The following TMEFF2 variants were observed in gnomAD, a reference collection of about 807,000 sequenced individuals.
The protein encoded by TMEFF2 is tomoregulin-2.
In TMEFF2, 28 loss-of-function variants were observed where a neutral mutation model predicts 53.8. The observed-to-expected ratio is 0.52, with a 90% CI of 0.39 to 0.71. TMEFF2 has a LOEUF of 0.71. Ranked by LOEUF, TMEFF2 falls within the 30% of genes least tolerant of loss-of-function variation. TMEFF2 has a pLI of 0.00. For missense variants in TMEFF2, 353 were observed against 455.2 expected, an observed-to-expected ratio of 0.78 and a Z score of 2.04; for synonymous variants, 162 against 166.3, an observed-to-expected ratio of 0.97 and a Z score of 0.20.
At position 192,015,837 on chromosome 2, in the gene TMEFF2, C is replaced by T. The variant is rs549603130; in HGVS notation, c.537-16629G>A. Among the ~76,000 whole-genome samples the T allele has an allele frequency of 4.6e-5, 7 of 152,186 alleles. No individual in the cohort carries two copies. In the South Asian group the frequency reaches 6.2e-4, roughly 14 times the overall value. On this transcript the variant is annotated intron_variant, in intron 5 of 9. Coordinates refer to ENST00000272771, the MANE Select transcript of TMEFF2 (RefSeq NM_016192.4). Reference sequence around the variant, plus strand: ...TTTCTTTGAAGCATAATGCCAGTGTCACAAATGTTGGTGTTGTCTCACTGT... The same window carrying T: ...TTTCTTTGAAGCATAATGCCAGTGTTACAAATGTTGGTGTTGTCTCACTGT...
intron 3 of TMEFF2, 144 bp downstream of exon 3, chr2:192,184,210 T>A (rs546911420): frequency 9.3e-7 from 1 of 1,076,760 alleles, no homozygotes; most frequent in South Asian, 1.7e-5. Flanking sequence ...AGAATAAGAA[T>A]AACAAATGTT....
intron 4 of TMEFF2, among the ~76,000 whole-genome samples, chr2:192,092,240 G>A (rs1193833484): frequency 2.6e-5 from 4 of 152,056 alleles, no homozygotes; most frequent in African/African-American, 9.7e-5. Flanking sequence ...GTTTTATATT[G>A]CTACTCAGAA....
At chr2:191,953,636 ATATATCCCTTTATTT>A in intron 9 of TMEFF2, 28 bp downstream of exon 9, 2 of 1,600,344 alleles carry the variant, frequency 1.2e-6, no homozygotes, top group Non-Finnish European at 1.7e-6. Context: ...AAGAGTAACA[ATATATCCCTTTATTT>A]GGGTAGCCAC....
chr2:192,135,900 A>C (rs944750219), intron 4 of TMEFF2, among the ~76,000 whole-genome samples: 1 of 151,362 alleles, frequency 6.6e-6, no homozygotes, highest in Non-Finnish European at 1.5e-5. Flanking sequence ...CCCACTGAGC[A>C]CCTTGTGACC....
At chr2:192,134,864 A>T (rs1385943727) in intron 4 of TMEFF2, among the ~76,000 whole-genome samples, 1 of 152,090 alleles carries the variant, frequency 6.6e-6, no homozygotes, top group Non-Finnish European at 1.5e-5. Flanking sequence ...TCAGCCAAGC[A>T]TTTTTTCAGG....
At chr2:192,192,537 C>G (rs1027254474) in intron 1 of TMEFF2, among the ~76,000 whole-genome samples, 1 of 152,116 alleles carries the variant, frequency 6.6e-6, no homozygotes, top group African/African-American at 2.4e-5. Context: ...CTGTTTGGCT[C>G]AAATGAAGAT....
intron 4 of TMEFF2, among the ~76,000 whole-genome samples, chr2:192,078,704 T>C (rs1207185678): frequency 6.6e-6 from 1 of 152,182 alleles, no homozygotes; most frequent in Non-Finnish European, 1.5e-5. Flanking sequence ...GTAGTGTCTG[T>C]TTATAAATTT....
intron 7 of TMEFF2, among the ~76,000 whole-genome samples, chr2:191,989,281 ACTGAGTGGGAGGCCACC>A (rs1470377738): frequency 6.6e-6 from 1 of 152,148 alleles, no homozygotes; most frequent in African/African-American, 2.4e-5. Flanking sequence ...ACACAGGTGG[ACTGAGTGGGAGGCCACC>A]CAGAAATGGA....
At chr2:191,996,661 T>A in intron 7 of TMEFF2, among the ~76,000 whole-genome samples, 1 of 151,822 alleles carries the variant, frequency 6.6e-6, no homozygotes, top group East Asian at 1.9e-4. Flanking sequence ...TATCAAACAA[T>A]TTTGTTAAAA....
intron 5 of TMEFF2, among the ~76,000 whole-genome samples, chr2:192,017,621 T>C (rs1037822256): frequency 1.3e-5 from 2 of 152,200 alleles, no homozygotes; most frequent in African/African-American, 2.4e-5. Flanking sequence ...AATATCTCTT[T>C]TTATCTTTCA....
At chr2:192,186,834 T>C (rs1037874043) in intron 2 of TMEFF2, among the ~76,000 whole-genome samples, 1 of 152,180 alleles carries the variant, frequency 6.6e-6, no homozygotes, top group African/African-American at 2.4e-5. Context: ...GAACTGGGAG[T>C]GGAGAGTGGA....
intron 4 of TMEFF2, among the ~76,000 whole-genome samples, chr2:192,097,875 T>C (rs1476351938): frequency 6.6e-6 from 1 of 152,174 alleles, no homozygotes; most frequent in Non-Finnish European, 1.5e-5. Flanking sequence ...ACGTATAATA[T>C]CACATTTACA....
chr2:192,073,790 A>G (rs1432401719), intron 4 of TMEFF2, among the ~76,000 whole-genome samples: 1 of 152,020 alleles, frequency 6.6e-6, no homozygotes, highest in Non-Finnish European at 1.5e-5. Flanking sequence ...AGAAACAAAA[A>G]TAAAACAAAA....
chr2:192,083,381 GTA>G (rs1688598131), intron 4 of TMEFF2, among the ~76,000 whole-genome samples: 1 of 152,078 alleles, frequency 6.6e-6, no homozygotes, highest in South Asian at 2.1e-4. Context: ...TTTCAGGAGA[GTA>G]TAGAGGCCAA....
In TMEFF2 at chr2:191,963,827, A is replaced by T. The variant is rs181146006; in HGVS notation, c.746-7449T>A. ...TTCTTAAGACAAGATGATAGTAATTATGTCTTAAATTACTTGAGAATCTTA... is the reference window on the plus strand; with the variant it reads ...TTCTTAAGACAAGATGATAGTAATTTTGTCTTAAATTACTTGAGAATCTTA... On this transcript the variant is annotated intron_variant, in intron 7 of 9. Coordinates refer to ENST00000272771, the MANE Select transcript of TMEFF2 (RefSeq NM_016192.4). 3.1e-3 allele frequency among the ~76,000 whole-genome samples: 479 copies of T among 152,338 alleles called. 4 individuals are homozygous for T. The highest frequency in any genetic ancestry group is 6.8e-3 in the African/African-American group (284 of 41,584).
rs752563226 is a variant in TMEFF2 at position 192,191,973 on chromosome 2, T to C, written c.189A>G (p.Glu63=). 1.8e-5 allele frequency: 29 copies of C among 1,611,984 alleles called. 1 individual carries two copies. In the South Asian group the frequency reaches 3.2e-4, roughly 18 times the overall value. ...GWNCSGYDDR[E]NDLFLCDTNT... is the part of the protein sequence containing the mutation. ...TGGTGTCACAGAGGAAGAGATCATT[T>C]TCTCTGTCATCATAACCTCAAATTC... is the stretch of plus-strand genomic sequence containing the variant. The change falls in exon 2 of 10, where the codon GAA becomes GAG. Residue 63 remains glutamate (E), a synonymous_variant. Transcript: ENST00000272771.
chr2:191,985,670 A>G (rs1685958761), intron 7 of TMEFF2, among the ~76,000 whole-genome samples: 1 of 152,240 alleles, frequency 6.6e-6, no homozygotes. Flanking sequence ...TCTAAGACAG[A>G]AAATAACATT....
chr2:191,963,188 A>G (rs1692321420), intron 7 of TMEFF2, among the ~76,000 whole-genome samples: 1 of 152,148 alleles, frequency 6.6e-6, no homozygotes, highest in African/African-American at 2.4e-5. Flanking sequence ...CTTGCTTTCA[A>G]GCTGCTCTCA....
At chr2:191,996,683 T>C (rs1686230167) in intron 7 of TMEFF2, among the ~76,000 whole-genome samples, 1 of 151,966 alleles carries the variant, frequency 6.6e-6, no homozygotes, top group Non-Finnish European at 1.5e-5. Context: ...CTGTGTACTA[T>C]AAGGAACTAT....
Sources: gnomAD v4.1 joint callset for allele counts (sites outside exome capture counted in the v4.1 genomes callset) on GRCh38, gnomAD v4.1.1 for gene constraint, MANE v1.5 for transcripts, NCBI Gene and HGNC (gene_info 2026-07-23, HGNC 2026-07-21) for gene names.